The following CASP9 variants were observed in gnomAD, a reference collection of about 807,000 sequenced individuals.
The protein encoded by CASP9 is caspase-9.
In CASP9, 29 loss-of-function variants were observed where a neutral mutation model predicts 43.5. The ratio of observed to expected loss-of-function variants is 0.67; its 90% CI spans 0.50 to 0.91. The LOEUF (loss-of-function observed/expected upper bound fraction) is 0.91, where lower values mean the gene tolerates loss of function less well. Ranked by LOEUF, CASP9 falls within the 40% of genes least tolerant of loss-of-function variation. CASP9 has a pLI of 0.00. For synonymous variants in CASP9, 206 were observed against 211.9 expected, an observed-to-expected ratio of 0.97 and a Z score of 0.24; for missense variants, 575 against 537.4, an observed-to-expected ratio of 1.07 and a Z score of -0.69.
intron 2 of CASP9, among the ~76,000 whole-genome samples, chr1:15,516,622 C>T (rs1181514112): frequency 6.6e-6 from 1 of 152,134 alleles, no homozygotes; most frequent in East Asian, 1.9e-4. Flanking sequence ...CCTACAGGCT[C>T]ACACCACCAC....
intron 6 of CASP9, among the ~76,000 whole-genome samples, chr1:15,500,718 G>A (rs1162069152): frequency 1.3e-5 from 2 of 152,196 alleles, no homozygotes; most frequent in African/African-American, 4.8e-5. Flanking sequence ...TGGGAATGAC[G>A]TGAAACAGCA....
intron 1 of CASP9, among the ~76,000 whole-genome samples, 182 bp from the exon 2 acceptor site, chr1:15,518,577 AAAAGATGCC>A (rs1309326886): frequency 6.6e-6 from 1 of 152,366 alleles, no homozygotes; most frequent in East Asian, 1.9e-4. Flanking sequence ...TTTGCAGGGC[AAAAGATGCC>A]CAGCACTATG....
intron 3 of CASP9, 197 bp downstream of exon 3, chr1:15,507,676 G>T: frequency 1.7e-6 from 1 of 592,280 alleles, no homozygotes. Context: ...CAGCTTTGCA[G>T]ATGAGGAAGC....
At chr1:15,524,300 C>T, upstream of CASP9, 1 of 1,470,608 alleles carries the variant, frequency 6.8e-7, no homozygotes, top group Non-Finnish European at 8.9e-7. Flanking sequence ...AGGGCCTGCC[C>T]CCGCGTCACG....
At position 15,524,119 on chromosome 1, in the gene CASP9, C is replaced by T. The variant is rs759311957; in HGVS notation, c.82G>A (p.Ala28Thr). The change falls in exon 1 of 9, where the codon GCC becomes ACC. Residue 28 changes from alanine to threonine, a missense_variant. Transcript: ENST00000333868. The stretch of plus-strand genomic sequence containing the variant: ...CTGAACAGCTCGCGGCTCAGCAGGG[C>T]GTCCCAGAGCTGGTCCACCTGCAGC... The part of the protein sequence containing the change: ...EELQVDQLWD[A>T]LLSRELFRPH... 1.3e-6 allele frequency: 2 copies of T among 1,539,418 alleles called. No homozygotes were observed. Among genetic ancestry groups the T allele is most frequent in the Non-Finnish European group, 1.7e-6 (2 of 1,147,410 alleles).
At chr1:15,516,546 A>G (rs2042368) in intron 2 of CASP9, among the ~76,000 whole-genome samples, 89,066 of 151,780 alleles carry the variant, frequency 0.59, 26,790 homozygotes, top group African/African-American at 0.71. Context: ...TCACTAAGTT[A>G]CCCAGGCTGG....
At chr1:15,517,339 T>C (rs1709990252) in intron 2 of CASP9, among the ~76,000 whole-genome samples, 1 of 152,076 alleles carries the variant, frequency 6.6e-6, no homozygotes, top group Non-Finnish European at 1.5e-5. Flanking sequence ...TATAAGACTA[T>C]ATAGGATTTA....
At chr1:15,524,820 C>T, upstream of CASP9, 1 of 962,980 alleles carries the variant, frequency 1.0e-6, no homozygotes, top group South Asian at 4.5e-5. Context: ...CCAGGATTCG[C>T]TCTGCGTCAT....
At chr1:15,524,759 C>G (rs1017425414), upstream of CASP9, 249 of 1,006,072 alleles carry the variant, frequency 2.5e-4, no homozygotes, top group Non-Finnish European at 2.8e-4. Context: ...GAACCTGCCA[C>G]CGCGTCACCG....
chr1:15,494,463 G>T (rs927439299), intron 7 of CASP9, among the ~76,000 whole-genome samples: 2 of 151,848 alleles, frequency 1.3e-5, no homozygotes, highest in African/African-American at 4.8e-5. Context: ...TACTTAGGAG[G>T]CTAAGGCAGG....
chr1:15,493,151 T>A, intron 8 of CASP9, 116 bp from the exon 9 acceptor site: 1 of 1,530,910 alleles, frequency 6.5e-7, no homozygotes, highest in Admixed American at 2.2e-5. Context: ...CAGCTCAAAC[T>A]GCAGCCTCTT....
chr1:15,505,289 G>A (rs1019077384), intron 5 of CASP9, among the ~76,000 whole-genome samples: 1 of 152,132 alleles, frequency 6.6e-6, no homozygotes, highest in Non-Finnish European at 1.5e-5. Context: ...CATTCTTCAT[G>A]AGCTCTAGGG....
At position 15,492,010 on chromosome 1, in the gene CASP9, G is replaced by A. The variant is rs1009095483; in HGVS notation, c.*933C>T. On this transcript the variant is annotated 3_prime_UTR_variant, in exon 9 of 9. Transcript: ENST00000333868. ...AGAGACCTAACCTCCCTGAGCACAGGGTTCTCACCCTTGTTGCCTTCCTGG... is the reference window on the plus strand; with the variant it reads ...AGAGACCTAACCTCCCTGAGCACAGAGTTCTCACCCTTGTTGCCTTCCTGG... 6.6e-6 allele frequency: 1 copy of A among 152,472 alleles called. No homozygotes were observed. The highest frequency in any genetic ancestry group is 2.4e-5 in the African/African-American group (1 of 41,536). The allele number at this position is 152,472 out of a possible 1,614,324, so 9.4% of individuals were successfully genotyped here.
At chr1:15,509,466 A>G (rs1709654914) in intron 2 of CASP9, among the ~76,000 whole-genome samples, 1 of 150,494 alleles carries the variant, frequency 6.6e-6, no homozygotes, top group Non-Finnish European at 1.5e-5. Context: ...AATACAAAAA[A>G]AAAAAAAAAA....
chr1:15,501,550 G>A (rs771860736), intron 6 of CASP9, among the ~76,000 whole-genome samples: 7 of 152,148 alleles, frequency 4.6e-5, no homozygotes, highest in Admixed American at 1.3e-4. Flanking sequence ...AGTGAAGAAC[G>A]GGGACCTTTC....
intron 7 of CASP9, among the ~76,000 whole-genome samples, chr1:15,494,960 G>A (rs986109018): frequency 6.6e-6 from 1 of 150,722 alleles, no homozygotes; most frequent in African/African-American, 2.4e-5. Context: ...CAGCCACCTT[G>A]TTTAATTCCC....
At chr1:15,507,266 T>C in intron 3 of CASP9, 191 bp from the exon 4 acceptor site, 1 of 603,484 alleles carries the variant, frequency 1.7e-6, no homozygotes, top group Non-Finnish European at 2.9e-6. Flanking sequence ...CCCATCTTGG[T>C]ATTAAGGGAA....
At chr1:15,524,709 C>T (rs1350381919), upstream of CASP9, 2 of 1,054,374 alleles carry the variant, frequency 1.9e-6, no homozygotes, top group Non-Finnish European at 2.3e-6. Flanking sequence ...GCGCCTCGCC[C>T]TGTCCCCAGG....
chr1:15,506,038 G>A lies in CASP9; in HGVS notation c.672C>T (p.His224=). Reference sequence around the variant, plus strand: ...CCACCACGCAGCAGTCCAGAGCACCGTGGTCCTGCTGCGCCAGCTCCAGCA... The same window carrying A: ...CCACCACGCAGCAGTCCAGAGCACCATGGTCCTGCTGCGCCAGCTCCAGCA... ...LALLELAQQD[H]GALDCCVVVI... Residue 224 remains histidine, a synonymous_variant, in exon 5 of 9, where the codon CAC becomes CAT. Transcript: ENST00000333868. 5.6e-6 allele frequency: 9 copies of A among 1,614,106 alleles called. No homozygotes were observed. The highest frequency in any genetic ancestry group is 7.6e-6 in the Non-Finnish European group (9 of 1,179,962).
Sources: gnomAD v4.1 joint callset for allele counts (sites outside exome capture counted in the v4.1 genomes callset) on GRCh38, gnomAD v4.1.1 for gene constraint, MANE v1.5 for transcripts, NCBI Gene and HGNC (gene_info 2026-07-23, HGNC 2026-07-21) for gene names.